The following CELF2 variants were observed in gnomAD, a reference collection of about 807,000 sequenced individuals.
CELF2 encodes the protein CUG triplet repeat RNA-binding protein 2.
CELF2 carries 8 observed loss-of-function variants against 62.6 expected under a neutral mutation model. That is an observed-to-expected ratio of 0.13 (90% CI 0.07 to 0.23). The LOEUF is 0.23. Ranked by LOEUF, CELF2 falls within the 10% of genes least tolerant of loss-of-function variation. The pLI, the probability that CELF2 is intolerant of heterozygous loss-of-function variation, is 1.00. For missense variants in CELF2, 333 were observed against 671.0 expected, an observed-to-expected ratio of 0.50 and a Z score of 5.56; for synonymous variants, 258 against 250.0, an observed-to-expected ratio of 1.03 and a Z score of -0.30.
At chr10:10,653,396 C>G in the CELF2 span, among the ~76,000 whole-genome samples, 22 of 148,524 alleles carry the variant, frequency 1.5e-4, no homozygotes, top group African/African-American at 5.0e-4. Flanking sequence ...CTCTCCACCC[C>G]AAATCAACAG....
At chr10:11,322,261 T>C (rs970216208) in intron 11 of CELF2, among the ~76,000 whole-genome samples, 1 of 152,222 alleles carries the variant, frequency 6.6e-6, no homozygotes, top group African/African-American at 2.4e-5. Context: ...TAGGATTGCC[T>C]TGGTCTTTGT....
At chr10:10,811,408 G>A (rs570241389) in intron 1 of CELF2, among the ~76,000 whole-genome samples, 5 of 152,218 alleles carry the variant, frequency 3.3e-5, no homozygotes, top group East Asian at 3.9e-4. Flanking sequence ...GCAAATGTGG[G>A]CAATGTGATT....
intron 2 of CELF2, among the ~76,000 whole-genome samples, chr10:11,172,255 A>G (rs9424123): frequency 0.28 from 42,881 of 152,066 alleles, 6,269 homozygotes; most frequent in South Asian, 0.34. Flanking sequence ...ACTTACTGTG[A>G]CATCCTTTCA....
chr10:10,968,067 G>A (rs2050332467), intron 2 of CELF2, among the ~76,000 whole-genome samples: 1 of 152,078 alleles, frequency 6.6e-6, no homozygotes, highest in Non-Finnish European at 1.5e-5. Context: ...TAAGAACTGG[G>A]AAGGAGCAAC....
chr10:11,014,622 T>A (rs2056975101), upstream of CELF2, among the ~76,000 whole-genome samples: 1 of 151,916 alleles, frequency 6.6e-6, no homozygotes, highest in African/African-American at 2.4e-5. Flanking sequence ...TTCCATTGAG[T>A]GTGTTTTTTT....
At chr10:10,688,091 G>A in the CELF2 span, among the ~76,000 whole-genome samples, 1 of 152,202 alleles carries the variant, frequency 6.6e-6, no homozygotes, top group Non-Finnish European at 1.5e-5. Context: ...CGAGTTACAA[G>A]AATCTGTTTT....
chr10:11,314,042 AGCTCC>A lies in CELF2; in HGVS notation c.977-95_977-91del, dbSNP rs2094747051. ...CCCAAAGCCACAAGCACAGCTCCTC[AGCTCC>A]GTCCACTGAGATGATGACAGAAGGA... On this transcript the variant is annotated intron_variant, in intron 9 of 12. Coordinates refer to ENST00000633077, the MANE Select transcript of CELF2 (RefSeq NM_001326342.2). The surrounding 1 kb of genome is among the most constrained non-coding windows in gnomAD (Gnocchi z 5.3). 4 of 1,273,078 alleles carry A rather than the reference AGCTCC, an allele frequency of 3.1e-6. No homozygotes were observed. In the Admixed American group the frequency reaches 7.8e-5, roughly 25 times the overall value. The allele number at this position is 1,273,078 out of a possible 1,614,324, so 78.9% of individuals were successfully genotyped here. A position where few individuals can be genotyped will look rare whatever the true frequency, so the allele number is the denominator to read the frequency against.
At chr10:11,284,696 TGGATGATGGATGGATGGGTGAGA>T in intron 8 of CELF2, among the ~76,000 whole-genome samples, 1 of 146,866 alleles carries the variant, frequency 6.8e-6, no homozygotes, top group South Asian at 2.2e-4. Flanking sequence ...GATGGATGAG[TGGATGATGGATGGATGGGTGAGA>T]GGATAATGGA....
At chr10:10,515,792 C>T in the CELF2 span, among the ~76,000 whole-genome samples, 1 of 152,306 alleles carries the variant, frequency 6.6e-6, no homozygotes, top group East Asian at 1.9e-4. Flanking sequence ...CAGTTTCCTT[C>T]TCTGAAAAGT....
rs1041613086 is a variant in CELF2, at chr10:11,220,405, T to G, written c.354+2898T>G. Among the ~76,000 whole-genome samples, 3 of 152,228 alleles carry G rather than the reference T, an allele frequency of 2.0e-5. No homozygotes were observed. Among genetic ancestry groups the G allele is most frequent in the Non-Finnish European group, 4.4e-5 (3 of 68,032 alleles). On this transcript the variant is annotated intron_variant, in intron 3 of 12. Coordinates refer to ENST00000633077, the MANE Select transcript of CELF2 (RefSeq NM_001326342.2). The surrounding 1 kb of genome is among the most constrained non-coding windows in gnomAD (Gnocchi z 4.4). ...TAGTTAGGAAGCAGAAACAAGTTGA[T>G]AGGATGGTCTGTTGTGCAATCAAAT...
chr10:10,563,559 G>A, the CELF2 span, among the ~76,000 whole-genome samples: 3 of 145,358 alleles, frequency 2.1e-5, no homozygotes, highest in Non-Finnish European at 4.5e-5. Context: ...AGTGAGCCAA[G>A]ATTGCGCCAC....
At chr10:11,089,207 T>A (rs1318954142) in intron 1 of CELF2, among the ~76,000 whole-genome samples, 2 of 152,154 alleles carry the variant, frequency 1.3e-5, no homozygotes, top group Non-Finnish European at 2.9e-5. Flanking sequence ...AAAGAGCATG[T>A]GGGATGGGAA....
At chr10:11,030,429 C>T (rs1461804488) in intron 1 of CELF2, 1 of 152,222 alleles carries the variant, frequency 6.6e-6, no homozygotes, top group African/African-American at 2.4e-5. Flanking sequence ...ATTTCCAAAG[C>T]CTGAGGATGC....
At chr10:11,132,240 T>C (rs896910391) in intron 1 of CELF2, among the ~76,000 whole-genome samples, 4 of 152,234 alleles carry the variant, frequency 2.6e-5, no homozygotes, top group African/African-American at 9.6e-5. Flanking sequence ...TGTTACTTCT[T>C]GTAAAATATT....
At chr10:11,287,439 C>T (rs1025482857) in intron 8 of CELF2, among the ~76,000 whole-genome samples, 3 of 152,156 alleles carry the variant, frequency 2.0e-5, no homozygotes, top group African/African-American at 7.2e-5. Flanking sequence ...GCTGAGCCCA[C>T]CCCTAGATTG....
At chr10:10,653,465 A>G in the CELF2 span, among the ~76,000 whole-genome samples, 1 of 146,610 alleles carries the variant, frequency 6.8e-6, no homozygotes, top group Non-Finnish European at 1.5e-5. Flanking sequence ...ACATACTTGG[A>G]AGTAAAGCTC....
the CELF2 span, among the ~76,000 whole-genome samples, chr10:10,728,994 G>A: frequency 2.0e-5 from 3 of 152,198 alleles, no homozygotes; most frequent in Admixed American, 2.0e-4. Flanking sequence ...TATAGAACAT[G>A]TCGACAAATT....
At chr10:11,084,939 A>G (rs1400628499) in intron 1 of CELF2, among the ~76,000 whole-genome samples, 2 of 152,212 alleles carry the variant, frequency 1.3e-5, no homozygotes, top group Non-Finnish European at 2.9e-5. Context: ...GCACTAACAC[A>G]TTAAAAGTAT....
At chr10:11,064,022 C>G (rs973308320) in intron 1 of CELF2, among the ~76,000 whole-genome samples, 8 of 152,166 alleles carry the variant, frequency 5.3e-5, no homozygotes, top group African/African-American at 1.9e-4. Context: ...TTCCTGAGTG[C>G]CTTCAGCAGA....
Sources: allele counts gnomAD v4.1 joint callset (sites outside exome capture counted in the v4.1 genomes callset), GRCh38; gene constraint gnomAD v4.1.1; non-coding constraint Gnocchi (gnomAD v3.1); transcripts MANE v1.5; gene names NCBI Gene and HGNC (gene_info 2026-07-23, HGNC 2026-07-21).